Variants in VAV3 observed in about 807,000 individuals in gnomAD.
VAV3 encodes the protein vav guanine nucleotide exchange factor 3.
A neutral mutation model predicts 131.2 loss-of-function variants in VAV3; 94 were observed. The ratio of observed to expected loss-of-function variants is 0.72; its 90% CI spans 0.61 to 0.85. The LOEUF is 0.85. Ranked by LOEUF, VAV3 falls within the 40% of genes least tolerant of loss-of-function variation. The pLI is 0.00. For missense variants in VAV3, 939 were observed against 1,002.7 expected (o/e 0.94, Z 0.86); for synonymous variants, 349 against 342.0 (o/e 1.02, Z -0.22).
chr1:107,626,098 C>T (rs530085995), intron 20 of VAV3, among the ~76,000 whole-genome samples: 22 of 152,262 alleles, frequency 1.4e-4, no homozygotes, highest in Non-Finnish European at 2.6e-4. Context: ...TTATAACCTA[C>T]ATTGCACTGT....
At chr1:107,820,579 A>C (rs998379585) in intron 2 of VAV3, among the ~76,000 whole-genome samples, 5 of 152,186 alleles carry the variant, frequency 3.3e-5, no homozygotes, top group Non-Finnish European at 7.4e-5. Flanking sequence ...GTTACTAAAA[A>C]TTCATCGTAC....
At chr1:107,704,288 A>T (rs1376201369) in intron 17 of VAV3, among the ~76,000 whole-genome samples, 3 of 152,194 alleles carry the variant, frequency 2.0e-5, no homozygotes, top group Non-Finnish European at 4.4e-5. Context: ...AATGAGTGAC[A>T]TGAAACCATC....
intron 15 of VAV3, among the ~76,000 whole-genome samples, chr1:107,743,786 A>C (rs1663163302): frequency 6.6e-6 from 1 of 152,246 alleles, no homozygotes; most frequent in African/African-American, 2.4e-5. Flanking sequence ...TTTATCATAT[A>C]AACTACAGAA....
At chr1:107,907,005 A>G (rs746702257) in intron 1 of VAV3, among the ~76,000 whole-genome samples, 2 of 152,198 alleles carry the variant, frequency 1.3e-5, no homozygotes, top group Non-Finnish European at 2.9e-5. Flanking sequence ...TTGAGGATTA[A>G]GGACTCTCAA....
At chr1:107,661,293 G>A (rs114807017) in intron 19 of VAV3, among the ~76,000 whole-genome samples, 2,475 of 152,156 alleles carry the variant, frequency 0.016, 73 homozygotes, top group African/African-American at 0.057. Context: ...TGCCACTCTT[G>A]CACGACCCAT....
chr1:107,853,922 C>T (rs932319948), intron 2 of VAV3, among the ~76,000 whole-genome samples: 2 of 152,158 alleles, frequency 1.3e-5, no homozygotes, highest in Admixed American at 6.5e-5. Context: ...TCTGAACCCC[C>T]TGTGTATGCC....
chr1:107,722,514 C>G (rs1238644910), intron 15 of VAV3, among the ~76,000 whole-genome samples: 3 of 152,134 alleles, frequency 2.0e-5, no homozygotes, highest in Admixed American at 1.3e-4. Context: ...ATACAACCAC[C>G]CTCAAAAAAT....
intron 10 of VAV3, among the ~76,000 whole-genome samples, chr1:107,759,040 A>G (rs987009259): frequency 5.3e-5 from 8 of 152,140 alleles, no homozygotes; most frequent in African/African-American, 1.7e-4. Flanking sequence ...TTCCCTATAC[A>G]TAATTATTTA....
intron 15 of VAV3, among the ~76,000 whole-genome samples, chr1:107,734,128 A>C (rs1464132142): frequency 6.6e-6 from 1 of 152,234 alleles, no homozygotes; most frequent in East Asian, 1.9e-4. Context: ...TAAGTGAAGG[A>C]GAAATAAAAT....
At chr1:107,878,904 T>C (rs1670634657) in intron 1 of VAV3, among the ~76,000 whole-genome samples, 1 of 152,176 alleles carries the variant, frequency 6.6e-6, no homozygotes, top group African/African-American at 2.4e-5. Context: ...GACTTTAAAA[T>C]AGTGATTTTT....
intron 2 of VAV3, among the ~76,000 whole-genome samples, chr1:107,791,356 A>T (rs374638919): frequency 7.2e-6 from 1 of 138,254 alleles, no homozygotes; most frequent in South Asian, 2.6e-4. Context: ...CAATAGATTA[A>T]CTAAAAGGAA....
rs1439583090 is a variant in VAV3, at chr1:107,596,299, A to T, written c.2263T>A (p.Phe755Ile). 6.2e-7 allele frequency: 1 copy of T among 1,613,370 alleles called. No homozygotes were observed. Among genetic ancestry groups the T allele is most frequent in the Admixed American group, 1.7e-5 (1 of 59,966 alleles). The change falls in exon 25 of 27, where the codon TTC becomes ATC. Residue 755 changes from phenylalanine (F) to isoleucine (I), a missense_variant. By Grantham distance (21) the Phe-to-Ile change is conservative. Transcript: ENST00000370056. The part of the protein sequence containing the change: ...YYKHHSLKEG[F>I]RTLDTTLQFP... ...TGCAGAGTTGTATCTAAGGTTCTGA[A>T]CCCTTCCTTGAGAGAATGATGCTTG...
chr1:107,611,700 G>C (rs1652749277), intron 21 of VAV3, among the ~76,000 whole-genome samples: 1 of 151,972 alleles, frequency 6.6e-6, no homozygotes, highest in South Asian at 2.1e-4. Flanking sequence ...TGTTAAAAAG[G>C]CTGGAGATCC....
At chr1:107,843,821 G>A (rs190459968) in intron 2 of VAV3, among the ~76,000 whole-genome samples, 51 of 152,008 alleles carry the variant, frequency 3.4e-4, no homozygotes, top group Non-Finnish European at 6.5e-4. Flanking sequence ...AGGATAAAAC[G>A]TACCCCTACA....
intron 2 of VAV3, among the ~76,000 whole-genome samples, chr1:107,786,249 TAAG>T (rs1438427939): frequency 5.3e-5 from 8 of 152,324 alleles, no homozygotes; most frequent in South Asian, 2.1e-4. Flanking sequence ...ATCATAAATT[TAAG>T]AAGTATTCTA....
At chr1:107,583,568 A>G (rs1650242837) in intron 25 of VAV3, among the ~76,000 whole-genome samples, 1 of 152,192 alleles carries the variant, frequency 6.6e-6, no homozygotes, top group Non-Finnish European at 1.5e-5. Context: ...AAGTCTCAGG[A>G]TACAAAATCA....
At chr1:107,703,771 T>C (rs1660277407) in intron 17 of VAV3, among the ~76,000 whole-genome samples, 1 of 152,192 alleles carries the variant, frequency 6.6e-6, no homozygotes, top group South Asian at 2.1e-4. Context: ...AGATCCTTTC[T>C]TGTGTTCAAA....
intron 15 of VAV3, among the ~76,000 whole-genome samples, chr1:107,733,303 A>C (rs1219898697): frequency 1.3e-5 from 2 of 152,244 alleles, no homozygotes; most frequent in African/African-American, 4.8e-5. Context: ...AGTAAAGCTG[A>C]AAATTCTAAA....
At chr1:107,766,242 C>T (rs911336315) in intron 8 of VAV3, among the ~76,000 whole-genome samples, 2 of 152,156 alleles carry the variant, frequency 1.3e-5, no homozygotes, top group Non-Finnish European at 1.5e-5. Context: ...CCTTCCCCCT[C>T]CTCCTTCTTC....
Sources: allele counts gnomAD v4.1 joint callset (sites outside exome capture counted in the v4.1 genomes callset), GRCh38; gene constraint gnomAD v4.1.1; transcripts MANE v1.5; gene names NCBI Gene and HGNC (gene_info 2026-07-23, HGNC 2026-07-21).